KDM4A: variants seen among roughly 807,000 people sequenced by gnomAD.
KDM4A encodes the protein lysine-specific demethylase 4A.
KDM4A carries 23 observed loss-of-function variants against 127.1 expected under a neutral mutation model. The ratio of observed to expected loss-of-function variants is 0.18; its 90% CI spans 0.13 to 0.26. The LOEUF is 0.26. Among genes scored for constraint, KDM4A ranks in the 10% least tolerant of loss-of-function variants. The pLI, the probability that KDM4A is intolerant of heterozygous loss-of-function variation, is 1.00. For missense variants in KDM4A, 890 were observed against 1,329.1 expected (o/e 0.67, Z 5.14); for synonymous variants, 443 against 466.5 (o/e 0.95, Z 0.65).
intron 4 of KDM4A, among the ~76,000 whole-genome samples, chr1:43,661,825 A>G (rs956372165): frequency 1.2e-4 from 19 of 152,032 alleles, no homozygotes; most frequent in Admixed American, 8.5e-4. Flanking sequence ...GGAAAAGGAT[A>G]TTCCACATTT....
chr1:43,696,798 T>A (rs987037071), intron 18 of KDM4A, among the ~76,000 whole-genome samples: 1 of 152,150 alleles, frequency 6.6e-6, no homozygotes, highest in African/African-American at 2.4e-5. Flanking sequence ...ATGAGGAAAT[T>A]GGGGGGACTG....
At chr1:43,690,378 G>C (rs1358828887) in intron 13 of KDM4A, among the ~76,000 whole-genome samples, 1 of 151,946 alleles carries the variant, frequency 6.6e-6, no homozygotes, top group Admixed American at 6.6e-5. Context: ...CTGGAGTGCA[G>C]CTGGGACTAC....
At position 43,704,073 on chromosome 1, in the gene KDM4A, A is replaced by T. The variant is rs141704818; in HGVS notation, c.3015A>T (p.Thr1005=). 8.5e-5 allele frequency: 137 copies of T among 1,614,022 alleles called. No homozygotes were observed. Among genetic ancestry groups the T allele is most frequent in the Non-Finnish European group, 1.1e-4 (131 of 1,180,024 alleles). ...TGGTTAAGAGAGATGATGTATACAC[A>T]CTGGATGAAGAGCTTCCCAAGAGAG... ...QLVVKRDDVY[T]LDEELPKRVK... Residue 1005 remains threonine (T), a synonymous_variant, in exon 21 of 22, where the codon ACA becomes ACT. Transcript: ENST00000372396.
chr1:43,704,215 C>G lies in KDM4A; in HGVS notation c.3055-15C>G. On this transcript the variant is annotated splice_polypyrimidine_tract_variant and intron_variant, in intron 21 of 21. Coordinates refer to ENST00000372396, the MANE Select transcript of KDM4A (RefSeq NM_014663.3). ...CCTGGGGTAGCTGACACTTGGCTTG[C>G]TTATTCTTCTATAGTCAGTAGCCTC... is the stretch of plus-strand genomic sequence containing the variant. The G allele has an allele frequency of 6.2e-7, 1 of 1,613,818 alleles. No homozygotes were observed. Among genetic ancestry groups the G allele is most frequent in the Non-Finnish European group, 8.5e-7 (1 of 1,179,860 alleles).
intron 4 of KDM4A, among the ~76,000 whole-genome samples, chr1:43,661,624 A>AG (rs1401950391): frequency 1.4e-4 from 21 of 147,404 alleles, no homozygotes; most frequent in East Asian, 8.1e-4. Context: ...AAAAAAAAAA[A>AG]AAAAAAAAAA....
chr1:43,704,355 G>C lies in KDM4A; in HGVS notation c.3180G>C (p.Arg1060=). 1 of 1,613,546 alleles carries C rather than the reference G, an allele frequency of 6.2e-7. No homozygotes were observed. The highest frequency in any genetic ancestry group is 1.1e-5 in the South Asian group (1 of 91,038). The change falls in exon 22 of 22, where the codon CGG becomes CGC. Residue 1060 remains arginine, a synonymous_variant. Coordinates refer to ENST00000372396, the MANE Select transcript of KDM4A (RefSeq NM_014663.3). ...ATTATATTGAGCCTGCACTATACCG[G>C]GCCATCATGGAGTAGGTGCTTCCAG... is the stretch of plus-strand genomic sequence containing the variant. ...REDYIEPALY[R]AIME is the part of the protein sequence containing the mutation.
At position 43,671,851 on chromosome 1, in the gene KDM4A, T is replaced by C; in HGVS notation, c.1710T>C (p.Ser570=). 1 of 1,577,180 alleles carries C rather than the reference T, an allele frequency of 6.3e-7. No homozygotes were observed. Residue 570 remains serine, a synonymous_variant, in exon 11 of 22, where the codon AGT becomes AGC. Coordinates refer to ENST00000372396, the MANE Select transcript of KDM4A (RefSeq NM_014663.3). ...CTRKKGSAAR[S]FSERELAEVA... ...GGAAGAAAGGAAGCGCCGCTAGAAG[T>C]TTCAGTGAGCGGGAGCTGGCAGAGG...
At chr1:43,697,237 C>T (rs776708876) in intron 18 of KDM4A, among the ~76,000 whole-genome samples, 1 of 152,178 alleles carries the variant, frequency 6.6e-6, no homozygotes, top group Non-Finnish European at 1.5e-5. Flanking sequence ...GGCTAGCAGG[C>T]GTGCTTGGAA....
At position 43,653,230 on chromosome 1, in the gene KDM4A, C is replaced by A; in HGVS notation, c.55C>A (p.Pro19Thr). The change falls in exon 2 of 22, where the codon CCA becomes ACA. Residue 19 changes from proline (P) to threonine (T), a missense_variant. By Grantham distance (38) the Pro-to-Thr change is conservative. Around this residue, in one of 7 missense-constraint regions of KDM4A, gnomAD observed 35 missense variants for 27.7 expected, o/e 1.26. Transcript: ENST00000372396. ...NPSARIMTFY[P>T]TMEEFRNFSR... Reference sequence around the variant, plus strand: ...CAGTGCTAGGATAATGACCTTTTATCCAACTATGGAAGAGTTCCGAAACTT... The same window carrying A: ...CAGTGCTAGGATAATGACCTTTTATACAACTATGGAAGAGTTCCGAAACTT... 1 of 1,613,912 alleles carries A rather than the reference C, an allele frequency of 6.2e-7. No homozygotes were observed. The highest frequency in any genetic ancestry group is 8.5e-7 in the Non-Finnish European group (1 of 1,179,862).
intron 9 of KDM4A, 76 bp from the exon 10 acceptor site, chr1:43,669,023 GT>G (rs1660560707): frequency 6.8e-7 from 1 of 1,473,964 alleles, no homozygotes; most frequent in African/African-American, 1.4e-5. Context: ...TTTGGGTTGT[GT>G]GTGGATGTGT....
chr1:43,683,845 C>A, intron 12 of KDM4A, 41 bp downstream of exon 12: 1 of 1,609,862 alleles, frequency 6.2e-7, no homozygotes, highest in African/African-American at 1.3e-5. Context: ...AAGCAGCTCA[C>A]CACATTAGAC....
chr1:43,666,842 G>A (rs1289964880), intron 7 of KDM4A, 112 bp from the exon 8 acceptor site: 8 of 1,045,554 alleles, frequency 7.7e-6, no homozygotes, highest in Non-Finnish European at 1.2e-5. Flanking sequence ...AGGACCCCAG[G>A]GGTTTTATGA....
At chr1:43,663,200 T>C in intron 5 of KDM4A, 113 bp downstream of exon 5, 1 of 895,728 alleles carries the variant, frequency 1.1e-6, no homozygotes, top group Non-Finnish European at 1.7e-6. Flanking sequence ...TGGTTCAGGC[T>C]TGGGGTGACA....
chr1:43,659,722 A>G (rs1457562903), intron 3 of KDM4A, among the ~76,000 whole-genome samples: 2 of 152,242 alleles, frequency 1.3e-5, no homozygotes, highest in South Asian at 2.1e-4. Flanking sequence ...GCAAAAATCT[A>G]TATTTTTAGA....
chr1:43,686,880 T>A (rs1660995046), intron 12 of KDM4A, among the ~76,000 whole-genome samples: 1 of 152,254 alleles, frequency 6.6e-6, no homozygotes, highest in Non-Finnish European at 1.5e-5. Context: ...ATTTTACATA[T>A]GTAAACTGTA....
rs1283625791 is a variant in KDM4A, at chr1:43,694,739, A to C, written c.2515A>C (p.Arg839=). The C allele has an allele frequency of 6.2e-7, 1 of 1,612,456 alleles. No homozygotes were observed. Among genetic ancestry groups the C allele is most frequent in the Non-Finnish European group, 8.5e-7 (1 of 1,178,718 alleles). ...TATCTTCTGTAAGAAGCGGAGGAAA[A>C]GAACTGCTGGCTGCTGTGTGCAGTG... The part of the protein sequence containing the change: ...KCIFCKKRRK[R]TAGCCVQCSH... The change falls in exon 18 of 22, where the codon AGA becomes CGA. Residue 839 remains arginine (R), a synonymous_variant. Coordinates refer to ENST00000372396, the MANE Select transcript of KDM4A (RefSeq NM_014663.3). The surrounding 1 kb of genome is among the most constrained non-coding windows in gnomAD (Gnocchi z 5.2).
At chr1:43,660,603 C>T (rs1660350532) in intron 4 of KDM4A, among the ~76,000 whole-genome samples, 191 bp downstream of exon 4, 1 of 152,100 alleles carries the variant, frequency 6.6e-6, no homozygotes, top group African/African-American at 2.4e-5. Flanking sequence ...TTTTATTTCT[C>T]CTGCTTTACA....
intron 11 of KDM4A, among the ~76,000 whole-genome samples, chr1:43,675,297 G>T (rs1325845683): frequency 6.6e-6 from 1 of 152,182 alleles, no homozygotes; most frequent in Non-Finnish European, 1.5e-5. Flanking sequence ...CCAGGACTGT[G>T]CCTTCAAGGA....
chr1:43,686,877 A>G (rs904288929), intron 12 of KDM4A, among the ~76,000 whole-genome samples: 22 of 152,366 alleles, frequency 1.4e-4, no homozygotes, highest in African/African-American at 3.1e-4. Flanking sequence ...GAAATTTTAC[A>G]TATGTAAACT....
Sources: gnomAD v4.1 joint callset for allele counts (sites outside exome capture counted in the v4.1 genomes callset) on GRCh38, gnomAD v4.1.1 for gene constraint, gnomAD v4.1.1 regional missense constraint, Gnocchi (gnomAD v3.1) non-coding constraint, MANE v1.5 for transcripts, NCBI Gene and HGNC (gene_info 2026-07-23, HGNC 2026-07-21) for gene names.